The following GPR19 variants were observed in gnomAD, a reference collection of about 807,000 sequenced individuals.
GPR19 encodes probable G protein-coupled receptor 19.
A neutral mutation model predicts 28.5 loss-of-function variants in GPR19; 14 were observed. The observed-to-expected ratio is 0.49, with a 90% confidence interval of 0.32 to 0.77. The LOEUF (loss-of-function observed/expected upper bound fraction) is 0.77, where lower values mean the gene tolerates loss of function less well. GPR19 is among the 30% of genes least tolerant of loss of function. The pLI, the probability that GPR19 is intolerant of heterozygous loss-of-function variation, is 0.03. For synonymous variants in GPR19, 173 were observed against 184.1 expected, an observed-to-expected ratio of 0.94 and a Z score of 0.49; for missense variants, 409 against 504.1, an observed-to-expected ratio of 0.81 and a Z score of 1.81.
At chr12:12,701,289 G>GT in the GPR19 span, among the ~76,000 whole-genome samples, 1 of 152,086 alleles carries the variant, frequency 6.6e-6, no homozygotes, top group Non-Finnish European at 1.5e-5. Context: ...CTCTTTAATT[G>GT]TGAGAAGCTT....
chr12:12,673,633 C>T (rs1423404858), intron 3 of GPR19, among the ~76,000 whole-genome samples: 2 of 152,106 alleles, frequency 1.3e-5, no homozygotes, highest in Non-Finnish European at 2.9e-5. Flanking sequence ...GGAAGTCCGC[C>T]ATAACATTCA....
At chr12:12,693,680 T>C (rs569218386) in intron 2 of GPR19, among the ~76,000 whole-genome samples, 7 of 152,310 alleles carry the variant, frequency 4.6e-5, no homozygotes, top group African/African-American at 1.7e-4. Context: ...CTTATCTGCC[T>C]GTCTCAAGCT....
chr12:12,678,005 C>T (rs1434383887), intron 3 of GPR19, among the ~76,000 whole-genome samples: 3 of 131,138 alleles, frequency 2.3e-5, no homozygotes, highest in South Asian at 2.6e-4. Flanking sequence ...ACCTGGGAGG[C>T]GGAGGTTGCG....
intron 3 of GPR19, among the ~76,000 whole-genome samples, chr12:12,663,611 C>T (rs988173825): frequency 1.3e-5 from 2 of 152,054 alleles, no homozygotes; most frequent in African/African-American, 2.4e-5. Flanking sequence ...GTGGGTCATT[C>T]AATTAAAATT....
At chr12:12,685,456 G>A (rs534988879) in intron 2 of GPR19, among the ~76,000 whole-genome samples, 9 of 152,142 alleles carry the variant, frequency 5.9e-5, no homozygotes, top group Non-Finnish European at 1.0e-4. Flanking sequence ...GAGCCTGCTT[G>A]GAGCTGTTTT....
the GPR19 span, among the ~76,000 whole-genome samples, chr12:12,710,702 GTTT>G: frequency 6.3e-3 from 962 of 152,180 alleles, 8 homozygotes; most frequent in African/African-American, 0.023. Context: ...GTGCCCAGCT[GTTT>G]TTTAAAAAAT....
rs537808991 is a variant in GPR19 at position 12,689,111 on chromosome 12, C to T, written c.-179-4604G>A. On this transcript the variant is annotated intron_variant, in intron 2 of 3. Coordinates refer to ENST00000651487, the MANE Select transcript of GPR19 (RefSeq NM_006143.3). Reference sequence around the variant, plus strand: ...AAACAGAAGCTTGCATGTCACATGGCGAAAGCAGGACCAAGAGAGAGAGTT... The same window carrying T: ...AAACAGAAGCTTGCATGTCACATGGTGAAAGCAGGACCAAGAGAGAGAGTT... Among the ~76,000 whole-genome samples the T allele has an allele frequency of 5.9e-5, 9 of 152,156 alleles. No homozygotes were observed. In the South Asian group the frequency reaches 1.0e-3, roughly 18 times the overall value.
intron 2 of GPR19, among the ~76,000 whole-genome samples, chr12:12,692,732 C>A (rs537274459): frequency 6.6e-6 from 1 of 151,698 alleles, no homozygotes; most frequent in East Asian, 1.9e-4. Context: ...TGGGCTTAAG[C>A]CCCTTTCTCC....
chr12:12,691,811 C>G lies in GPR19; in HGVS notation c.-180+3648G>C, dbSNP rs1946184668. Reference sequence around the variant, plus strand: ...CCACTGTCCCTTTGAAAACACCCTTCAAGGGTGTCTGGTTGCAAGGCTGGT... The same window carrying G: ...CCACTGTCCCTTTGAAAACACCCTTGAAGGGTGTCTGGTTGCAAGGCTGGT... On this transcript the variant is annotated intron_variant, in intron 2 of 3. Coordinates refer to ENST00000651487, the MANE Select transcript of GPR19 (RefSeq NM_006143.3). Among the ~76,000 whole-genome samples the G allele has an allele frequency of 2.0e-5, 3 of 152,276 alleles. No homozygotes were observed. The South Asian group carries it at 6.2e-4, about 32-fold the overall frequency.
chr12:12,703,935 T>C, the GPR19 span, among the ~76,000 whole-genome samples: 2 of 152,180 alleles, frequency 1.3e-5, no homozygotes, highest in Non-Finnish European at 2.9e-5. Flanking sequence ...ATTAGCTTCA[T>C]TGGAGGATAC....
At chr12:12,704,112 C>G in the GPR19 span, among the ~76,000 whole-genome samples, 7 of 152,182 alleles carry the variant, frequency 4.6e-5, no homozygotes, top group Non-Finnish European at 8.8e-5. Context: ...TGCAACCAAT[C>G]GTGTGTGACT....
chr12:12,691,387 G>A (rs1026937258), intron 2 of GPR19, among the ~76,000 whole-genome samples: 5 of 152,028 alleles, frequency 3.3e-5, no homozygotes, highest in Admixed American at 6.6e-5. Flanking sequence ...GTCACCTGCT[G>A]AACAAGCATG....
chr12:12,661,106 T>A lies in GPR19; in HGVS notation c.*95A>T, dbSNP rs1945664341. On this transcript the variant is annotated 3_prime_UTR_variant, in exon 4 of 4. Transcript: ENST00000651487. The surrounding 1 kb of genome is among the most constrained non-coding windows in gnomAD (Gnocchi z 4.2). ...ATTTTACAAAATAAAACATTTCCCT[T>A]GGAAAGTTGAGTGAAAACAAATATG... The A allele has an allele frequency of 1.4e-5, 12 of 840,640 alleles. No homozygotes were observed. In the East Asian group the frequency reaches 3.2e-4, roughly 22 times the overall value. 52.1% of individuals were successfully genotyped at this position (840,640 alleles called of 1,614,324 possible).
the GPR19 span, chr12:12,716,938 C>T: frequency 1.0e-6 from 1 of 985,218 alleles, no homozygotes; most frequent in Non-Finnish European, 1.2e-6. Flanking sequence ...AGCTCGCCAC[C>T]CCGGCTCCTA....
chr12:12,703,376 G>T, the GPR19 span: 1 of 985,256 alleles, frequency 1.0e-6, no homozygotes, highest in East Asian at 1.1e-4. Flanking sequence ...ATGCGTGAGT[G>T]CGTGTTCGTG....
chr12:12,711,127 C>G, the GPR19 span, among the ~76,000 whole-genome samples: 1 of 151,962 alleles, frequency 6.6e-6, no homozygotes, highest in Non-Finnish European at 1.5e-5. Flanking sequence ...AACCTCGTCT[C>G]TACTGAAAAT....
chr12:12,665,405 C>T (rs1269876904), intron 3 of GPR19, among the ~76,000 whole-genome samples: 1 of 152,208 alleles, frequency 6.6e-6, no homozygotes, highest in Non-Finnish European at 1.5e-5. Context: ...GATCCCAATG[C>T]TCAGAAACAG....
the GPR19 span, among the ~76,000 whole-genome samples, chr12:12,705,319 GA>G: frequency 5.4e-5 from 8 of 147,756 alleles, no homozygotes; most frequent in African/African-American, 7.4e-5. Flanking sequence ...CTCCATCTCA[GA>G]AAAAAAAAAT....
At chr12:12,687,828 T>A (rs1946117522) in intron 2 of GPR19, among the ~76,000 whole-genome samples, 1 of 152,200 alleles carries the variant, frequency 6.6e-6, no homozygotes, top group Non-Finnish European at 1.5e-5. Flanking sequence ...CACGGTGGCA[T>A]GTGCCTGTGG....
Sources: allele counts gnomAD v4.1 joint callset (sites outside exome capture counted in the v4.1 genomes callset), GRCh38; gene constraint gnomAD v4.1.1; non-coding constraint Gnocchi (gnomAD v3.1); transcripts MANE v1.5; gene names NCBI Gene and HGNC (gene_info 2026-07-23, HGNC 2026-07-21).